Variants in ATP6V1A observed in about 807,000 individuals in gnomAD.
The protein encoded by ATP6V1A is ATPase H+ transporting V1 subunit A, also known as V-type proton ATPase catalytic subunit A.
A neutral mutation model predicts 70.1 loss-of-function variants in ATP6V1A; 18 were observed. The ratio of observed to expected loss-of-function variants is 0.26; its 90% CI spans 0.18 to 0.38. The LOEUF (loss-of-function observed/expected upper bound fraction) is 0.38, where lower values mean the gene tolerates loss of function less well. ATP6V1A is among the 10% of genes least tolerant of loss of function. The probability of loss-of-function intolerance (pLI) is 1.00; values close to 1 mark genes in which losing one functional copy is unlikely to be tolerated. For missense variants in ATP6V1A, 424 were observed against 772.4 expected, an observed-to-expected ratio of 0.55 and a Z score of 5.35; for synonymous variants, 232 against 253.8, an observed-to-expected ratio of 0.91 and a Z score of 0.82.
chr3:113,776,923 C>T (rs997768450), intron 1 of ATP6V1A, among the ~76,000 whole-genome samples: 1 of 152,196 alleles, frequency 6.6e-6, no homozygotes, highest in Non-Finnish European at 1.5e-5. Context: ...TCTTTTTCTA[C>T]TGTGTGCAAA....
At chr3:113,766,588 T>A (rs1708774076) in intron 1 of ATP6V1A, among the ~76,000 whole-genome samples, 1 of 152,080 alleles carries the variant, frequency 6.6e-6, no homozygotes, top group Non-Finnish European at 1.5e-5. Flanking sequence ...AGCCACTGCA[T>A]CCAGCTCAGA....
intron 7 of ATP6V1A, 123 bp downstream of exon 7, chr3:113,788,998 A>G: frequency 1.2e-6 from 1 of 859,464 alleles, no homozygotes; most frequent in South Asian, 1.7e-5. Context: ...TCTTTAAGGA[A>G]TTTTAAAATT....
chr3:113,781,191 G>A lies in ATP6V1A; in HGVS notation c.211+13G>A, dbSNP rs1286596681. The A allele has an allele frequency of 6.3e-7, 1 of 1,596,038 alleles. No individual in the cohort carries two copies. The highest frequency in any genetic ancestry group is 1.8e-5 in the Admixed American group (1 of 56,334). The stretch of plus-strand genomic sequence containing the variant: ...TATGAAGAAACTTGTATCCTTTTTG[G>A]CTCAATTTCCTGCCACTTTCTATAT... On this transcript the variant is annotated intron_variant, in intron 3 of 14. Transcript: ENST00000273398.
chr3:113,807,789 T>C (rs1218891365), intron 14 of ATP6V1A, among the ~76,000 whole-genome samples: 1 of 152,156 alleles, frequency 6.6e-6, no homozygotes, highest in African/African-American at 2.4e-5. Flanking sequence ...TTCTGTAGCA[T>C]TGTTTTGTGG....
intron 1 of ATP6V1A, among the ~76,000 whole-genome samples, chr3:113,749,623 A>G (rs891472733): frequency 9.2e-5 from 14 of 152,138 alleles, no homozygotes; most frequent in Admixed American, 1.3e-4. Context: ...CTAGCATTGT[A>G]TTTAATTCCT....
At chr3:113,773,185 G>A (rs1469776026) in intron 1 of ATP6V1A, among the ~76,000 whole-genome samples, 1 of 151,868 alleles carries the variant, frequency 6.6e-6, no homozygotes, top group South Asian at 2.1e-4. Context: ...TGATCCACCC[G>A]CCTTGGCCCC....
intron 12 of ATP6V1A, among the ~76,000 whole-genome samples, chr3:113,800,923 G>A (rs570764148): frequency 6.6e-6 from 1 of 152,220 alleles, no homozygotes; most frequent in East Asian, 1.9e-4. Flanking sequence ...AGGAGGCTGA[G>A]GTGAGTGGAT....
chr3:113,750,745 A>G (rs1167110609), intron 1 of ATP6V1A, among the ~76,000 whole-genome samples: 2 of 152,216 alleles, frequency 1.3e-5, no homozygotes, highest in African/African-American at 2.4e-5. Context: ...ATTTTTAATT[A>G]ATTTTACTGA....
chr3:113,795,307 C>T (rs1709142374), intron 10 of ATP6V1A, 103 bp downstream of exon 10: 21 of 1,242,386 alleles, frequency 1.7e-5, no homozygotes, highest in Admixed American at 1.0e-4. Context: ...TTAGCTCCCG[C>T]TGGGAGCAGC....
At chr3:113,765,473 G>A (rs1180835301) in intron 1 of ATP6V1A, among the ~76,000 whole-genome samples, 4 of 151,804 alleles carry the variant, frequency 2.6e-5, no homozygotes, top group African/African-American at 4.8e-5. Context: ...GTGTGGTGGC[G>A]CATGTCTGTA....
At chr3:113,758,418 A>ATCCTGTCCTTCCATACCTCCCCACC (rs1185504083) in intron 1 of ATP6V1A, among the ~76,000 whole-genome samples, 10 of 152,138 alleles carry the variant, frequency 6.6e-5, no homozygotes, top group Non-Finnish European at 1.3e-4. Flanking sequence ...CCTCTTTTTA[A>ATCCTGTCCTTCCATACCTCCCCACC]TCCTGTCCTT....
Position 113,805,480 on chromosome 3 carries a change from G to A in ATP6V1A, c.1716G>A (p.Glu572=), listed in dbSNP as rs1157798681. The change falls in exon 14 of 15, where the codon GAG becomes GAA. Residue 572 remains glutamate (E), a synonymous_variant. Transcript: ENST00000273398. ...DNKITWSIIR[E]HMGDILYKLS... ...AAATCACATGGTCCATTATTCGTGAGCACATGGGAGACATCCTCTATAAAC... is the reference window on the plus strand; with the variant it reads ...AAATCACATGGTCCATTATTCGTGAACACATGGGAGACATCCTCTATAAAC... The A allele has an allele frequency of 6.2e-7, 1 of 1,613,954 alleles. No homozygotes were observed. Among genetic ancestry groups the A allele is most frequent in the Non-Finnish European group, 8.5e-7 (1 of 1,179,842 alleles).
At chr3:113,775,322 C>T (rs1471691197) in intron 1 of ATP6V1A, among the ~76,000 whole-genome samples, 2 of 151,544 alleles carry the variant, frequency 1.3e-5, no homozygotes, top group South Asian at 2.1e-4. Context: ...CTCCTCCTCC[C>T]GGGTTCAAGC....
rs1158398727 is a variant in ATP6V1A at position 113,811,860 on chromosome 3, A to G, written c.*2433A>G. ...CTGTGTCTGGTCCTAAGTGGAGCCA[A>G]TTAAACAAGTTTCATATGTATTTTT... On this transcript the variant is annotated 3_prime_UTR_variant, in exon 15 of 15. Coordinates refer to ENST00000273398, the MANE Select transcript of ATP6V1A (RefSeq NM_001690.4). 3 of 152,632 alleles carry G rather than the reference A, an allele frequency of 2.0e-5. No individual in the cohort carries two copies. The highest frequency in any genetic ancestry group is 2.9e-5 in the Non-Finnish European group (2 of 68,030). The allele number at this position is 152,632 out of a possible 1,614,324, so 9.5% of individuals were successfully genotyped here.
chr3:113,789,802 A>G lies in ATP6V1A; in HGVS notation c.950A>G (p.Asn317Ser). Reference sequence around the variant, plus strand: ...ACAGCTTTGGTAGCCAATACCTCCAATATGCCTGTTGCTGCTAGAGAAGCC... The same window carrying G: ...ACAGCTTTGGTAGCCAATACCTCCAGTATGCCTGTTGCTGCTAGAGAAGCC... Reference protein sequence around the residue: ...KRTALVANTSNMPVAAREASI... With the variant: ...KRTALVANTSSMPVAAREASI... Residue 317 changes from asparagine (N) to serine (S), a missense_variant, in exon 8 of 15, where the codon AAT becomes AGT. Transcript: ENST00000273398. 6.2e-7 allele frequency: 1 copy of G among 1,612,310 alleles called. No homozygotes were observed. The highest frequency in any genetic ancestry group is 8.5e-7 in the Non-Finnish European group (1 of 1,178,368).
chr3:113,794,617 C>A (rs1441672077), intron 8 of ATP6V1A, among the ~76,000 whole-genome samples: 1 of 151,884 alleles, frequency 6.6e-6, no homozygotes, highest in Non-Finnish European at 1.5e-5. Context: ...GAGCGTGTGA[C>A]TTGCCTGACC....
At chr3:113,754,384 T>A (rs1030868658) in intron 1 of ATP6V1A, among the ~76,000 whole-genome samples, 55 of 151,868 alleles carry the variant, frequency 3.6e-4, no homozygotes, top group African/African-American at 1.3e-3. Context: ...ATTAAAAAAA[T>A]TATTTGGGCA....
At chr3:113,766,916 G>A (rs745801312) in intron 1 of ATP6V1A, among the ~76,000 whole-genome samples, 5 of 152,090 alleles carry the variant, frequency 3.3e-5, no homozygotes, top group Non-Finnish European at 7.3e-5. Flanking sequence ...CCTAGGTGTT[G>A]TGACCAGACC....
At position 113,786,398 on chromosome 3, in the gene ATP6V1A, T is replaced by G. The variant is rs1709040506; in HGVS notation, c.716+15T>G. On this transcript the variant is annotated intron_variant, in intron 6 of 14. Transcript: ENST00000273398. ...GCCCTTTTTCCGTAAGTTTGAGATG[T>G]GTCCCACGATTTTCCCTCAGAGTTA... 6.2e-7 allele frequency: 1 copy of G among 1,612,316 alleles called. No individual in the cohort carries two copies. Among genetic ancestry groups the G allele is most frequent in the Admixed American group, 1.7e-5 (1 of 59,788 alleles).
Sources: allele counts gnomAD v4.1 joint callset (sites outside exome capture counted in the v4.1 genomes callset), GRCh38; gene constraint gnomAD v4.1.1; transcripts MANE v1.5; gene names NCBI Gene and HGNC (gene_info 2026-07-23, HGNC 2026-07-21).